LLGL1: variants seen among roughly 807,000 people sequenced by gnomAD.
LLGL1 encodes the protein lethal(2) giant larvae protein homolog 1.
LLGL1 carries 58 observed loss-of-function variants against 110.6 expected under a neutral mutation model. The ratio of observed to expected loss-of-function variants is 0.52; its 90% confidence interval spans 0.42 to 0.65. The LOEUF is 0.65. Ranked by LOEUF, LLGL1 falls within the 30% of genes least tolerant of loss-of-function variation. LLGL1 has a pLI of 0.00. For synonymous variants in LLGL1, 674 were observed against 607.2 expected, an observed-to-expected ratio of 1.11 and a Z score of -1.62; for missense variants, 1,229 against 1,462.1, an observed-to-expected ratio of 0.84 and a Z score of 2.60.
chr17:18,235,819 C>G lies in LLGL1; in HGVS notation c.1352+282C>G, dbSNP rs78420054. Reference sequence around the variant, plus strand: ...GGACTGGAAAATCTGGGCTGGCCCACGCTGAGCTGCCCAGGGAAGGTGCCA... The same window carrying G: ...GGACTGGAAAATCTGGGCTGGCCCAGGCTGAGCTGCCCAGGGAAGGTGCCA... On this transcript the variant is annotated intron_variant, in intron 11 of 22. Coordinates refer to ENST00000316843, the MANE Select transcript of LLGL1 (RefSeq NM_004140.4). 8.4e-6 allele frequency: 4 copies of G among 475,570 alleles called. No homozygotes were observed. The East Asian group carries it at 1.5e-4, about 18-fold the overall frequency. 29.5% of individuals were successfully genotyped at this position (475,570 alleles called of 1,614,324 possible).
At position 18,242,291 on chromosome 17, in the gene LLGL1, T is replaced by G. The variant is rs769138874; in HGVS notation, c.2995+13T>G. ...AGCATGGGACCTGGTGAGGGGGGCA[T>G]GAAAGGGGTCCAGACCCTGGCCCCA... is the stretch of plus-strand genomic sequence containing the variant. On this transcript the variant is annotated intron_variant, in intron 20 of 22. Coordinates refer to ENST00000316843, the MANE Select transcript of LLGL1 (RefSeq NM_004140.4). 1.9e-6 allele frequency: 3 copies of G among 1,607,574 alleles called. No individual in the cohort carries two copies. Among genetic ancestry groups the G allele is most frequent in the Non-Finnish European group, 2.6e-6 (3 of 1,174,524 alleles).
At chr17:18,243,675 C>T (rs1317634637) in intron 22 of LLGL1, among the ~76,000 whole-genome samples, 1 of 152,210 alleles carries the variant, frequency 6.6e-6, no homozygotes, top group Admixed American at 6.5e-5. Context: ...ACATGGACAC[C>T]TCCCAGCTCT....
At position 18,244,510 on chromosome 17, in the gene LLGL1, TG is replaced by T. The variant is rs2047936688; in HGVS notation, c.*607del. ...CACCCACCTCAGCCTCCCAAAGTGC[TG>T]GGATTACAGGCGTGAGCCACCATGC... On this transcript the variant is annotated 3_prime_UTR_variant, in exon 23 of 23. Coordinates refer to ENST00000316843, the MANE Select transcript of LLGL1 (RefSeq NM_004140.4). 1.3e-5 allele frequency: 2 copies of T among 152,148 alleles called. No individual in the cohort carries two copies. Among genetic ancestry groups the T allele is most frequent in the African/African-American group, 2.4e-5 (1 of 41,412 alleles). 9.4% of individuals were successfully genotyped at this position (152,148 alleles called of 1,614,324 possible). A position where few individuals can be genotyped will look rare whatever the true frequency, so the allele number is the denominator to read the frequency against.
In LLGL1 at chr17:18,232,751, A is replaced by T. The variant is rs1335717718; in HGVS notation, c.341A>T (p.Glu114Val). Residue 114 changes from glutamate (E) to valine (V), a missense_variant, in exon 4 of 23, where the codon GAA (glutamate) becomes GTA (valine). Physicochemically the swap from Glu to Val is moderately radical, Grantham distance 121. Transcript: ENST00000316843. Reference sequence around the variant, plus strand: ...CACCATAATGGCTGTGCCCACCTGGAAGAAGCACTCAGTTTCCAGCTGCCC... The same window carrying T: ...CACCATAATGGCTGTGCCCACCTGGTAGAAGCACTCAGTTTCCAGCTGCCC... ...IVHHNGCAHL[E>V]EALSFQLPSR... 6.2e-7 allele frequency: 1 copy of T among 1,614,084 alleles called. No individual in the cohort carries two copies. Among genetic ancestry groups the T allele is most frequent in the East Asian group, 2.2e-5 (1 of 44,874 alleles).
intron 22 of LLGL1, 102 bp downstream of exon 22, chr17:18,242,924 C>A: frequency 8.8e-7 from 1 of 1,136,880 alleles, no homozygotes; most frequent in Non-Finnish European, 1.2e-6. Context: ...GAGACCCTGG[C>A]AGGCCCATGT....
intron 1 of LLGL1, among the ~76,000 whole-genome samples, chr17:18,226,265 C>T (rs2047440207): frequency 1.3e-5 from 2 of 152,232 alleles, no homozygotes; most frequent in African/African-American, 2.4e-5. Flanking sequence ...GTCTCTCTCT[C>T]TGTCTCTGTG....
rs2047923761 is a variant in LLGL1, at chr17:18,244,185, G to GC, written c.*281dup. On this transcript the variant is annotated 3_prime_UTR_variant, in exon 23 of 23. Transcript: ENST00000316843. ...AGGACAGGTGGGGCCCAGCACCTGT[G>GC]CCACCTCCCCCCCTCCACACACCAT... 6.6e-6 allele frequency: 1 copy of GC among 151,702 alleles called. No homozygotes were observed. Among genetic ancestry groups the GC allele is most frequent in the Non-Finnish European group, 1.5e-5 (1 of 67,998 alleles). 9.4% of individuals were successfully genotyped at this position (151,702 alleles called of 1,614,324 possible). A position where few individuals can be genotyped will look rare whatever the true frequency, so the allele number is the denominator to read the frequency against.
chr17:18,234,932 G>A lies in LLGL1; in HGVS notation c.999G>A (p.Thr333=), dbSNP rs200946798. Residue 333 remains threonine, a synonymous_variant, in exon 9 of 23, where the codon ACG becomes ACA. Transcript: ENST00000316843. ...TGCTTCGAGCCGAGACATTGGTGAC[G>A]CTGGACTTCACTTCCCGCATCATCG... ...VSVLRAETLV[T]LDFTSRIIDF... 3.7e-5 allele frequency: 59 copies of A among 1,613,974 alleles called. No individual in the cohort carries two copies. Among genetic ancestry groups the A allele is most frequent in the Non-Finnish European group, 4.4e-5 (52 of 1,180,012 alleles).
At chr17:18,241,299 T>C (rs1264964811) in intron 17 of LLGL1, 152 bp from the exon 18 acceptor site, 27 of 913,468 alleles carry the variant, frequency 3.0e-5, no homozygotes, top group Non-Finnish European at 3.4e-5. Context: ...GTCTGGAGTT[T>C]AGTGGGGCAG....
rs779589017 is a variant in LLGL1 at position 18,234,050 on chromosome 17, C to T, written c.589C>T (p.Pro197Ser). The change falls in exon 6 of 23, where the codon CCC (proline) becomes TCC (serine). Residue 197 changes from proline to serine, a missense_variant. Pro to Ser is a moderately conservative substitution (Grantham distance 74). Transcript: ENST00000316843. ...CTACCGCTGTGGGAAGGCACTGGGCCCCGTGGAGTCACTCCAGGGACACCT... is the reference window on the plus strand; with the variant it reads ...CTACCGCTGTGGGAAGGCACTGGGCTCCGTGGAGTCACTCCAGGGACACCT... ...DDYRCGKALG[P>S]VESLQGHLRD... 1.2e-6 allele frequency: 2 copies of T among 1,601,316 alleles called. No homozygotes were observed. Among genetic ancestry groups the T allele is most frequent in the Admixed American group, 3.4e-5 (2 of 59,392 alleles).
chr17:18,233,407 C>T (rs997893395), intron 4 of LLGL1, among the ~76,000 whole-genome samples: 1 of 152,100 alleles, frequency 6.6e-6, no homozygotes, highest in Non-Finnish European at 1.5e-5. Flanking sequence ...GTATCTGGGG[C>T]CCTCCTGCGA....
rs185263617 is a variant in LLGL1, at chr17:18,234,496, C to T, written c.850+88C>T. ...CAAACTGGCTGAGGAGGGACTTCCC[C>T]GAGGGGGTGGTCTGGGGGCAGTGTG... On this transcript the variant is annotated intron_variant, in intron 7 of 22. Transcript: ENST00000316843. 172 of 1,582,436 alleles carry T rather than the reference C, an allele frequency of 1.1e-4. 2 individuals carry two copies. In the South Asian group the frequency reaches 1.5e-3, roughly 14 times the overall value.
At position 18,235,010 on chromosome 17, in the gene LLGL1, A is replaced by T. The variant is rs1350125561; in HGVS notation, c.1060+17A>T. ...CCGAGGATGGTGCGTGCCCTGCCGT[A>T]CCCTACCCTTTCCCAGCCCCACCTG... On this transcript the variant is annotated intron_variant, in intron 9 of 22. Coordinates refer to ENST00000316843, the MANE Select transcript of LLGL1 (RefSeq NM_004140.4). 1 of 1,613,746 alleles carries T rather than the reference A, an allele frequency of 6.2e-7. No individual in the cohort carries two copies. Among genetic ancestry groups the T allele is most frequent in the Non-Finnish European group, 8.5e-7 (1 of 1,179,934 alleles).
Position 18,237,708 on chromosome 17 carries a change from G to T in LLGL1, c.1839G>T (p.Val613=). The T allele has an allele frequency of 1.2e-6, 2 of 1,613,050 alleles. No homozygotes were observed. The highest frequency in any genetic ancestry group is 1.7e-6 in the Non-Finnish European group (2 of 1,179,978). The change falls in exon 14 of 23, where the codon GTG becomes GTT. Residue 613 remains valine, a synonymous_variant. Transcript: ENST00000316843. ...CACTCCACACCGAGTGGAGCCTCGTGGCTTTTGGCACCAGTCATGGCTTTG... is the reference window on the plus strand; with the variant it reads ...CACTCCACACCGAGTGGAGCCTCGTTGCTTTTGGCACCAGTCATGGCTTTG... The part of the protein sequence containing the change: ...AVTLHTEWSL[V]AFGTSHGFGL...
intron 2 of LLGL1, among the ~76,000 whole-genome samples, chr17:18,232,088 G>A (rs1314821919): frequency 6.6e-6 from 1 of 152,254 alleles, no homozygotes; most frequent in African/African-American, 2.4e-5. Flanking sequence ...ATCCCATCCG[G>A]CAAGGCGCAG....
chr17:18,241,314 G>A, intron 17 of LLGL1, 137 bp from the exon 18 acceptor site: 4 of 1,090,126 alleles, frequency 3.7e-6, no homozygotes, highest in Non-Finnish European at 5.2e-6. Flanking sequence ...GGGCAGCCAG[G>A]TGTACAGGCA....
chr17:18,241,250 C>T (rs995117558), intron 17 of LLGL1: 10 of 645,502 alleles, frequency 1.5e-5, no homozygotes, highest in Non-Finnish European at 2.6e-5. Context: ...TGTCACAGAT[C>T]GAGAGAGGGC....
rs2047634579 is a variant in LLGL1 at position 18,234,147 on chromosome 17, G to A, written c.686G>A (p.Cys229Tyr). 3.7e-6 allele frequency: 6 copies of A among 1,608,490 alleles called. No individual in the cohort carries two copies. The highest frequency in any genetic ancestry group is 5.1e-6 in the Non-Finnish European group (6 of 1,176,562). The change falls in exon 6 of 23, where the codon TGT (cysteine) becomes TAT (tyrosine). Residue 229 changes from cysteine (C) to tyrosine (Y), a missense_variant. Cys to Tyr is a radical substitution (Grantham distance 194). Coordinates refer to ENST00000316843, the MANE Select transcript of LLGL1 (RefSeq NM_004140.4). Reference protein sequence around the residue: ...LLVIWNQASQCVDHIFLGNQQ... With the variant: ...LLVIWNQASQYVDHIFLGNQQ... ...GTCATCTGGAACCAGGCCTCGCAGT[G>A]TGTGGACCACATCTTCCTGGGGAAC...
intron 16 of LLGL1, among the ~76,000 whole-genome samples, 153 bp downstream of exon 16, chr17:18,238,762 G>C (rs2142678553): frequency 6.6e-6 from 1 of 152,278 alleles, no homozygotes; most frequent in Middle Eastern, 3.4e-3. Context: ...AGTGATCCCA[G>C]CACTTTGGGA....
Sources: gnomAD v4.1 joint callset for allele counts (sites outside exome capture counted in the v4.1 genomes callset) on GRCh38, gnomAD v4.1.1 for gene constraint, MANE v1.5 for transcripts, NCBI Gene and HGNC (gene_info 2026-07-23, HGNC 2026-07-21) for gene names.